MAPRE2: variants seen among roughly 807,000 people sequenced by gnomAD.
MAPRE2 encodes the protein microtubule-associated protein RP/EB family member 2.
A neutral mutation model predicts 43.2 loss-of-function variants in MAPRE2; 13 were observed. The observed-to-expected ratio is 0.30, with a 90% confidence interval of 0.20 to 0.48. The LOEUF is 0.48. Among genes scored for constraint, MAPRE2 ranks in the 20% least tolerant of loss-of-function variants. The pLI is 0.99. For synonymous variants in MAPRE2, 135 were observed against 148.8 expected, an observed-to-expected ratio of 0.91 and a Z score of 0.68; for missense variants, 161 against 400.2, an observed-to-expected ratio of 0.40 and a Z score of 5.10.
chr18:35,042,935 A>T (rs1194911776), intron 1 of MAPRE2, among the ~76,000 whole-genome samples: 3 of 152,150 alleles, frequency 2.0e-5, no homozygotes, highest in Non-Finnish European at 4.4e-5. Flanking sequence ...AAAAAAAAAA[A>T]AATTATAAGC....
At chr18:35,002,400 C>T (rs1172185330) in intron 1 of MAPRE2, among the ~76,000 whole-genome samples, 1 of 152,146 alleles carries the variant, frequency 6.6e-6, no homozygotes, top group Non-Finnish European at 1.5e-5. Flanking sequence ...CTGCTATAAA[C>T]AAATTTTCAT....
In MAPRE2 at chr18:35,070,306, G is replaced by A. The variant is rs760983862; in HGVS notation, c.234G>A (p.Val78=). 2 of 1,606,432 alleles carry A rather than the reference G, an allele frequency of 1.2e-6. No homozygotes were observed. Among genetic ancestry groups the A allele is most frequent in the East Asian group, 2.2e-5 (1 of 44,498 alleles). ...TAGTATCTTTAAACTACACAAAAGT[G>A]GAACAGCTTTGTTCAGGTAAGACAT... is the stretch of plus-strand genomic sequence containing the variant. The part of the protein sequence containing the change: ...NDIVSLNYTK[V]EQLCSGAAYC... The change falls in exon 2 of 7, where the codon GTG becomes GTA. Residue 78 remains valine (V), a synonymous_variant. Coordinates refer to ENST00000300249, the MANE Select transcript of MAPRE2 (RefSeq NM_014268.4).
intron 4 of MAPRE2, among the ~76,000 whole-genome samples, chr18:35,113,544 G>A (rs1425216656): frequency 1.3e-5 from 2 of 152,190 alleles, no homozygotes; most frequent in Non-Finnish European, 2.9e-5. Flanking sequence ...TTGCAACTCA[G>A]AATCTGAATC....
intron 1 of MAPRE2, among the ~76,000 whole-genome samples, chr18:35,050,894 C>CCCCCAGGGAGAGAA (rs1203371828): frequency 6.6e-6 from 1 of 152,098 alleles, no homozygotes; most frequent in Non-Finnish European, 1.5e-5. Context: ...ACTGAGAGAA[C>CCCCCAGGGAGAGAA]CCCCAGGGAG....
intron 6 of MAPRE2, among the ~76,000 whole-genome samples, chr18:35,135,923 G>A (rs1910372474): frequency 6.6e-6 from 1 of 152,228 alleles, no homozygotes; most frequent in Non-Finnish European, 1.5e-5. Context: ...ATGCTGTTCA[G>A]CTAAACATAG....
chr18:35,041,220 G>A, upstream of MAPRE2: 1 of 879,862 alleles, frequency 1.1e-6, no homozygotes, highest in East Asian at 4.5e-5. Context: ...GCCAGATGTA[G>A]GCCTGCCCCG....
chr18:35,135,352 C>T (rs941351418), intron 6 of MAPRE2, among the ~76,000 whole-genome samples: 34 of 152,120 alleles, frequency 2.2e-4, no homozygotes, highest in African/African-American at 7.7e-4. Context: ...ATGACTCTGC[C>T]GAGAGGCTCA....
chr18:34,989,761 G>A (rs1279424652), intron 1 of MAPRE2, among the ~76,000 whole-genome samples: 1 of 151,870 alleles, frequency 6.6e-6, no homozygotes, highest in Non-Finnish European at 1.5e-5. Context: ...AGTGGCATCA[G>A]CATCACCTGG....
At chr18:35,097,645 G>C in intron 3 of MAPRE2, 54 bp downstream of exon 3, 1 of 1,519,566 alleles carries the variant, frequency 6.6e-7, no homozygotes, top group Non-Finnish European at 8.9e-7. Flanking sequence ...AATTGTTTTT[G>C]TGCATAAATG....
chr18:34,979,766 A>G (rs2097015111), intron 1 of MAPRE2, among the ~76,000 whole-genome samples: 1 of 152,072 alleles, frequency 6.6e-6, no homozygotes, highest in African/African-American at 2.4e-5. Context: ...TTTATATAAA[A>G]CCTCATGTTG....
At chr18:34,978,656 T>G in intron 1 of MAPRE2, 1 of 888,542 alleles carries the variant, frequency 1.1e-6, no homozygotes, top group Non-Finnish European at 1.8e-6. Context: ...CCTCTGGAAA[T>G]GAAATGCTTC....
intron 1 of MAPRE2, among the ~76,000 whole-genome samples, chr18:35,054,922 C>A (rs1906139502): frequency 6.6e-6 from 1 of 151,710 alleles, no homozygotes; most frequent in Non-Finnish European, 1.5e-5. Flanking sequence ...TAATAATGAA[C>A]CAAAGAGGGG....
intron 2 of MAPRE2, among the ~76,000 whole-genome samples, chr18:35,017,244 G>GTTTTT (rs140257488): frequency 1.8e-4 from 23 of 126,272 alleles, no homozygotes; most frequent in African/African-American, 4.4e-4. Flanking sequence ...CGGTTTTGTT[G>GTTTTT]TTTTTTTTTT....
intron 1 of MAPRE2, among the ~76,000 whole-genome samples, chr18:35,054,521 C>G (rs918362401): frequency 6.6e-6 from 1 of 152,142 alleles, no homozygotes; most frequent in African/African-American, 2.4e-5. Flanking sequence ...AGATGATTCT[C>G]TCTGTTCTGG....
At chr18:34,979,110 C>CA (rs2097014745) in intron 1 of MAPRE2, among the ~76,000 whole-genome samples, 1 of 152,134 alleles carries the variant, frequency 6.6e-6, no homozygotes, top group South Asian at 2.1e-4. Flanking sequence ...CGATGACTAA[C>CA]ACCCTGGGGC....
chr18:35,002,562 C>T (rs1198019992), intron 1 of MAPRE2, among the ~76,000 whole-genome samples: 4 of 152,294 alleles, frequency 2.6e-5, no homozygotes, highest in East Asian at 1.9e-4. Context: ...TTCAAACCCT[C>T]GCCAACATTT....
chr18:35,013,052 A>C (rs1173591265), intron 2 of MAPRE2, among the ~76,000 whole-genome samples: 1 of 152,206 alleles, frequency 6.6e-6, no homozygotes, highest in Non-Finnish European at 1.5e-5. Context: ...ATGCCCATAA[A>C]GGTTATATAA....
At chr18:34,979,322 C>T (rs1435490337) in intron 1 of MAPRE2, among the ~76,000 whole-genome samples, 1 of 152,190 alleles carries the variant, frequency 6.6e-6, no homozygotes, top group Non-Finnish European at 1.5e-5. Context: ...CAGAAACATA[C>T]TCCAGCAGCC....
At chr18:35,098,187 CAAT>C (rs1253414055) in intron 3 of MAPRE2, among the ~76,000 whole-genome samples, 1 of 152,052 alleles carries the variant, frequency 6.6e-6, no homozygotes, top group Non-Finnish European at 1.5e-5. Flanking sequence ...CTTTTTCTCT[CAAT>C]AAGGGATTAT....
Sources: allele counts gnomAD v4.1 joint callset (sites outside exome capture counted in the v4.1 genomes callset), GRCh38; gene constraint gnomAD v4.1.1; transcripts MANE v1.5; gene names NCBI Gene and HGNC (gene_info 2026-07-23, HGNC 2026-07-21).